Variants in NT5C2 observed in about 807,000 individuals in gnomAD.
NT5C2 encodes cytosolic purine 5'-nucleotidase.
Under a neutral mutation model 76.1 loss-of-function variants are expected in NT5C2, and 58 were observed. The observed-to-expected ratio is 0.76, with a 90% CI of 0.62 to 0.95. NT5C2 has a LOEUF of 0.95. Ranked by LOEUF, NT5C2 falls within the 40% of genes least tolerant of loss-of-function variation. The probability of loss-of-function intolerance (pLI) is 0.00; values close to 1 mark genes in which losing one functional copy is unlikely to be tolerated. For missense variants in NT5C2, 478 were observed against 690.3 expected (o/e 0.69, Z 3.45); for synonymous variants, 229 against 237.4 (o/e 0.96, Z 0.32).
chr10:103,119,592 C>T (rs973275329), intron 4 of NT5C2, among the ~76,000 whole-genome samples: 1 of 152,174 alleles, frequency 6.6e-6, no homozygotes, highest in Non-Finnish European at 1.5e-5. Flanking sequence ...GGTTACCTTT[C>T]TTGTTTTGTA....
At chr10:103,095,749 AT>A (rs994828349) in intron 12 of NT5C2, among the ~76,000 whole-genome samples, 189 bp downstream of exon 12, 2 of 152,176 alleles carry the variant, frequency 1.3e-5, no homozygotes, top group African/African-American at 4.8e-5. Context: ...CGGACTCTAA[AT>A]TAGCAATTTG....
intron 4 of NT5C2, among the ~76,000 whole-genome samples, chr10:103,130,576 T>A (rs1370573479): frequency 1.7e-3 from 95 of 56,178 alleles, no homozygotes; most frequent in African/African-American, 3.4e-3. Context: ...AAAAAAAAAA[T>A]AAAAATTAAA....
intron 2 of NT5C2, chr10:103,176,112 CA>C: frequency 1.8e-5 from 3 of 162,924 alleles, no homozygotes; most frequent in Non-Finnish European, 4.1e-5. Context: ...GTGGGGGCAG[CA>C]AAAACCGTGC....
chr10:103,182,206 T>C (rs77787370), intron 1 of NT5C2, among the ~76,000 whole-genome samples: 2,195 of 152,286 alleles, frequency 0.014, 55 homozygotes, highest in African/African-American at 0.049. Context: ...AGAGCAGGTC[T>C]ATCAGGCAGT....
chr10:103,093,082 T>G, intron 15 of NT5C2, 57 bp downstream of exon 15: 1 of 1,395,938 alleles, frequency 7.2e-7, no homozygotes, highest in Non-Finnish European at 9.5e-7. Context: ...CAAAGACGAC[T>G]GATTCAAAGC....
At chr10:103,181,633 AC>A (rs1390766355) in intron 1 of NT5C2, among the ~76,000 whole-genome samples, 2 of 152,212 alleles carry the variant, frequency 1.3e-5, no homozygotes, top group African/African-American at 4.8e-5. Context: ...TCATTACTTA[AC>A]ATAATGTTAA....
In NT5C2 at chr10:103,174,991, G is replaced by T; in HGVS notation, c.-24-9C>A. 1 of 1,427,036 alleles carries T rather than the reference G, an allele frequency of 7.0e-7. No individual in the cohort carries two copies. The highest frequency in any genetic ancestry group is 1.1e-5 in the South Asian group (1 of 87,038). 88.4% of individuals were successfully genotyped at this position (1,427,036 alleles called of 1,614,324 possible). A position where few individuals can be genotyped will look rare whatever the true frequency, so the allele number is the denominator to read the frequency against. The stretch of plus-strand genomic sequence containing the variant: ...TAACTGTATTTTGTATTCTAGAAAA[G>T]AAAATCATTAATTTAGTAACTTAAT... On this transcript the variant is annotated splice_polypyrimidine_tract_variant and intron_variant, in intron 2 of 18. Coordinates refer to ENST00000404739, the MANE Select transcript of NT5C2 (RefSeq NM_001351169.2).
chr10:103,180,371 A>G (rs1028368545), intron 2 of NT5C2, among the ~76,000 whole-genome samples: 2 of 152,230 alleles, frequency 1.3e-5, no homozygotes, highest in Admixed American at 6.5e-5. Flanking sequence ...TATATCTATC[A>G]TATGTCCCAG....
intron 4 of NT5C2, among the ~76,000 whole-genome samples, chr10:103,120,332 A>G (rs1271483501): frequency 6.6e-6 from 1 of 152,228 alleles, no homozygotes; most frequent in African/African-American, 2.4e-5. Context: ...GCCATGATCA[A>G]GAGAGGGAAA....
intron 4 of NT5C2, among the ~76,000 whole-genome samples, chr10:103,135,904 G>A (rs2079107962): frequency 6.6e-6 from 1 of 151,594 alleles, no homozygotes; most frequent in South Asian, 2.1e-4. Flanking sequence ...GGGTAACCTG[G>A]TGAAACCCCA....
intron 1 of NT5C2, among the ~76,000 whole-genome samples, chr10:103,183,052 AAAAACATGG>A (rs2091363938): frequency 6.6e-6 from 1 of 151,964 alleles, no homozygotes; most frequent in South Asian, 2.1e-4. Context: ...ACATCCCCTT[AAAAACATGG>A]AAAGTCAGAT....
chr10:103,126,059 G>A (rs2076582181), intron 4 of NT5C2, among the ~76,000 whole-genome samples: 1 of 152,160 alleles, frequency 6.6e-6, no homozygotes, highest in South Asian at 2.1e-4. Context: ...AAAAAAGACT[G>A]TGTGCTCAGA....
rs1234787055 is a variant in NT5C2 at position 103,089,674 on chromosome 10, A to ATTC, written c.1681_1683dup (p.Glu561dup). 6.3e-7 allele frequency: 1 copy of ATTC among 1,594,848 alleles called. No homozygotes were observed. Among genetic ancestry groups the ATTC allele is most frequent in the African/African-American group, 1.3e-5 (1 of 74,090 alleles). On this transcript the variant is annotated inframe_insertion, in exon 19 of 19. Coordinates refer to ENST00000404739, the MANE Select transcript of NT5C2 (RefSeq NM_001351169.2). ...GCTTGGGGTTTTGGTTTTCCTCCTT[A>ATTC]TTCTTCCTCCTCCTCCTCCTCTTCA...
chr10:103,174,707 A>G, intron 3 of NT5C2, 151 bp downstream of exon 3: 5 of 602,394 alleles, frequency 8.3e-6, no homozygotes, highest in Non-Finnish European at 1.5e-5. Context: ...CTAGTAGTTA[A>G]AAGTCTCGAC....
chr10:103,116,447 G>A (rs2074346098), intron 4 of NT5C2, among the ~76,000 whole-genome samples: 1 of 152,040 alleles, frequency 6.6e-6, no homozygotes, highest in Admixed American at 6.6e-5. Context: ...TTATTAACTA[G>A]TTGAGTTGTT....
intron 4 of NT5C2, among the ~76,000 whole-genome samples, chr10:103,134,936 G>T (rs913994609): frequency 6.6e-6 from 1 of 152,174 alleles, no homozygotes; most frequent in African/African-American, 2.4e-5. Context: ...ACTTGCATGG[G>T]GCCTGTAGCC....
chr10:103,157,849 C>G (rs184928830), intron 3 of NT5C2, among the ~76,000 whole-genome samples: 6 of 152,072 alleles, frequency 3.9e-5, no homozygotes. Context: ...CTGAGGCGGA[C>G]AGATCGTGAG....
chr10:103,183,334 CTTT>C (rs377139530), intron 1 of NT5C2, among the ~76,000 whole-genome samples: 3 of 88,450 alleles, frequency 3.4e-5, no homozygotes, highest in Admixed American at 1.3e-4. Flanking sequence ...AAATTATTAG[CTTT>C]TTTTTTTTTT....
intron 16 of NT5C2, 25 bp from the exon 17 acceptor site, chr10:103,091,021 G>GA (rs1254138724): frequency 1.9e-6 from 3 of 1,603,564 alleles, no homozygotes; most frequent in South Asian, 2.2e-5. Context: ...AAAACTCAGT[G>GA]AAAATCTCTG....
Sources: allele counts gnomAD v4.1 joint callset (sites outside exome capture counted in the v4.1 genomes callset), GRCh38; gene constraint gnomAD v4.1.1; transcripts MANE v1.5; gene names NCBI Gene and HGNC (gene_info 2026-07-23, HGNC 2026-07-21).